PPP1R9A: variants seen among roughly 807,000 people sequenced by gnomAD.
The protein encoded by PPP1R9A is neurabin-1.
A neutral mutation model predicts 141.9 loss-of-function variants in PPP1R9A; 59 were observed. That is an observed-to-expected ratio of 0.42 (90% CI 0.34 to 0.52). The LOEUF is 0.52. PPP1R9A is among the 20% of genes least tolerant of loss of function. The pLI is 0.10. For synonymous variants in PPP1R9A, 500 were observed against 569.7 expected (o/e 0.88, Z 1.74); for missense variants, 1,444 against 1,611.9 (o/e 0.90, Z 1.78).
intron 2 of PPP1R9A, among the ~76,000 whole-genome samples, chr7:94,970,540 G>C (rs528572423): frequency 1.3e-5 from 2 of 152,086 alleles, no homozygotes; most frequent in South Asian, 4.2e-4. Context: ...TGCGTACCTC[G>C]GTTAGAAATG....
At chr7:95,062,544 C>T (rs537900496) in intron 2 of PPP1R9A, among the ~76,000 whole-genome samples, 2 of 151,814 alleles carry the variant, frequency 1.3e-5, no homozygotes, top group South Asian at 4.2e-4. Flanking sequence ...TGTGCCACCA[C>T]ACCTGGCTTA....
In PPP1R9A at chr7:95,290,350, A is replaced by C. The variant is rs1336220890; in HGVS notation, c.*47A>C. 6.5e-7 allele frequency: 1 copy of C among 1,542,174 alleles called. No homozygotes were observed. Among genetic ancestry groups the C allele is most frequent in the East Asian group, 2.4e-5 (1 of 42,280 alleles). ...TGGAGATGCTCCAAGAGAAGTCCCC[A>C]CCTCTTCCTGCCCTGCTCTCCTCCA... On this transcript the variant is annotated 3_prime_UTR_variant, in exon 20 of 20. Transcript: ENST00000433360.
intron 8 of PPP1R9A, among the ~76,000 whole-genome samples, chr7:95,235,283 T>A (rs1453297584): frequency 2.0e-5 from 3 of 152,092 alleles, no homozygotes; most frequent in Non-Finnish European, 4.4e-5. Context: ...AAAGAACGAA[T>A]ATCCAGAATC....
chr7:95,247,484 A>G lies in PPP1R9A; in HGVS notation c.2124A>G (p.Lys708=). ...LSHKFKELQI[K]HAVTEAEIQK... is the part of the protein sequence containing the mutation. ...TTTTCAATTTTCAGTTGCAAATCAAACATGCAGTTACAGAAGCAGAGATTC... is the reference window on the plus strand; with the variant it reads ...TTTTCAATTTTCAGTTGCAAATCAAGCATGCAGTTACAGAAGCAGAGATTC... The change falls in exon 9 of 20, where the codon AAA becomes AAG. Residue 708 remains lysine (K), a synonymous_variant. Coordinates refer to ENST00000433360, the MANE Select transcript of PPP1R9A (RefSeq NM_001166160.2). 1 of 1,608,280 alleles carries G rather than the reference A, an allele frequency of 6.2e-7. No individual in the cohort carries two copies.
chr7:94,989,090 AAAAGTAGGTCT>A (rs1236373977), intron 2 of PPP1R9A, among the ~76,000 whole-genome samples: 1 of 152,054 alleles, frequency 6.6e-6, no homozygotes, highest in Non-Finnish European at 1.5e-5. Flanking sequence ...GTTTGGTTAG[AAAAGTAGGTCT>A]AAATGTAGCC....
intron 2 of PPP1R9A, among the ~76,000 whole-genome samples, chr7:94,950,115 T>A (rs1254828993): frequency 6.6e-6 from 1 of 152,096 alleles, no homozygotes; most frequent in Non-Finnish European, 1.5e-5. Context: ...CTGTCTCTAC[T>A]GTTTTGCCTG....
At chr7:95,236,916 A>G (rs1431252929) in intron 8 of PPP1R9A, among the ~76,000 whole-genome samples, 1 of 151,570 alleles carries the variant, frequency 6.6e-6, no homozygotes, top group Admixed American at 6.6e-5. Context: ...TTTTAACAAA[A>G]GAATGATATA....
chr7:94,993,663 G>A (rs1468092459), intron 2 of PPP1R9A, among the ~76,000 whole-genome samples: 1 of 152,006 alleles, frequency 6.6e-6, no homozygotes, highest in Non-Finnish European at 1.5e-5. Context: ...AAGGTAGATG[G>A]CAATTTTTAA....
At chr7:95,175,235 A>G (rs1301424322) in intron 5 of PPP1R9A, 4 of 150,892 alleles carry the variant, frequency 2.7e-5, no homozygotes, top group Non-Finnish European at 4.4e-5. Context: ...GCAGCCTATC[A>G]TAGTACGGAT....
At chr7:95,204,673 CCACA>C (rs1013509526) in intron 7 of PPP1R9A, among the ~76,000 whole-genome samples, 2 of 122,296 alleles carry the variant, frequency 1.6e-5, no homozygotes, top group East Asian at 4.9e-4. Context: ...CACACACACA[CCACA>C]CACACACCAC....
intron 2 of PPP1R9A, among the ~76,000 whole-genome samples, chr7:94,970,773 C>T (rs1047093014): frequency 6.6e-6 from 1 of 151,678 alleles, no homozygotes; most frequent in Admixed American, 6.6e-5. Context: ...GTAGCTGGGA[C>T]TACTTAATTT....
Position 94,911,070 on chromosome 7 carries a change from T to G in PPP1R9A, c.957T>G (p.Asp319Glu). 6.2e-7 allele frequency: 1 copy of G among 1,614,148 alleles called. No homozygotes were observed. The highest frequency in any genetic ancestry group is 1.3e-5 in the African/African-American group (1 of 75,034). Reference sequence around the variant, plus strand: ...AGACTCCCGACAGCATTGACAAAGATGGTCCTGAAGAACCTTGTGCTGAAA... The same window carrying G: ...AGACTCCCGACAGCATTGACAAAGAGGGTCCTGAAGAACCTTGTGCTGAAA... Reference protein sequence around the residue: ...NQQTPDSIDKDGPEEPCAESK... With the variant: ...NQQTPDSIDKEGPEEPCAESK... Residue 319 changes from aspartate to glutamate, a missense_variant, in exon 2 of 20, where the codon GAT (aspartate) becomes GAG (glutamate). Asp to Glu is a conservative substitution (Grantham distance 45). This residue lies in a region of PPP1R9A where 490 missense variants were observed against 521.1 expected (regional missense o/e 0.94). Coordinates refer to ENST00000433360, the MANE Select transcript of PPP1R9A (RefSeq NM_001166160.2).
chr7:94,947,300 G>A (rs191110671), intron 2 of PPP1R9A, among the ~76,000 whole-genome samples: 3 of 152,178 alleles, frequency 2.0e-5, no homozygotes, highest in Non-Finnish European at 2.9e-5. Context: ...CTCTGGAAAC[G>A]GAATGTAGTT....
chr7:95,061,144 A>T (rs1344366271), intron 2 of PPP1R9A, among the ~76,000 whole-genome samples: 1 of 151,948 alleles, frequency 6.6e-6, no homozygotes, highest in Non-Finnish European at 1.5e-5. Context: ...TTATAAGGGG[A>T]CTCCTAAGTC....
At chr7:95,218,923 A>C (rs557745727) in intron 7 of PPP1R9A, among the ~76,000 whole-genome samples, 1 of 152,048 alleles carries the variant, frequency 6.6e-6, no homozygotes, top group Non-Finnish European at 1.5e-5. Context: ...TCTTTATCCA[A>C]TTTGCCAGTC....
At chr7:95,060,597 A>T (rs1458173990) in intron 2 of PPP1R9A, among the ~76,000 whole-genome samples, 2 of 152,178 alleles carry the variant, frequency 1.3e-5, no homozygotes, top group African/African-American at 4.8e-5. Context: ...TAGATAGCAC[A>T]GTTGAAAATG....
intron 7 of PPP1R9A, among the ~76,000 whole-genome samples, chr7:95,223,557 T>C (rs780032517): frequency 4.6e-5 from 7 of 152,080 alleles, no homozygotes; most frequent in Non-Finnish European, 1.0e-4. Flanking sequence ...GATCCTGTTA[T>C]ATGTCAGGTC....
intron 12 of PPP1R9A, among the ~76,000 whole-genome samples, chr7:95,258,565 T>C (rs1223494192): frequency 6.6e-6 from 1 of 151,970 alleles, no homozygotes; most frequent in Non-Finnish European, 1.5e-5. Flanking sequence ...ATAAAGTAAA[T>C]GGAAAGAGAA....
intron 10 of PPP1R9A, among the ~76,000 whole-genome samples, chr7:95,250,609 C>T (rs978454573): frequency 6.6e-6 from 1 of 152,184 alleles, no homozygotes; most frequent in African/African-American, 2.4e-5. Flanking sequence ...GAATGACTGA[C>T]TATTGGATGT....
Sources: gnomAD v4.1 joint callset for allele counts (sites outside exome capture counted in the v4.1 genomes callset) on GRCh38, gnomAD v4.1.1 for gene constraint, gnomAD v4.1.1 regional missense constraint, MANE v1.5 for transcripts, NCBI Gene and HGNC (gene_info 2026-07-23, HGNC 2026-07-21) for gene names.